LIAS: variants seen among roughly 807,000 people sequenced by gnomAD.
The protein encoded by LIAS is lipoic acid synthetase, also known as lipoyl synthase, mitochondrial.
In LIAS, 36 loss-of-function variants were observed where a neutral mutation model predicts 49.4. That is an observed-to-expected ratio of 0.73 (90% CI 0.56 to 0.96). LIAS has a LOEUF of 0.96. Ranked by LOEUF, LIAS falls within the 40% of genes least tolerant of loss-of-function variation. LIAS has a pLI of 0.00. For synonymous variants in LIAS, 145 were observed against 155.8 expected (o/e 0.93, Z 0.52); for missense variants, 399 against 456.3 (o/e 0.87, Z 1.14).
At chr4:39,459,184 T>C in intron 1 of LIAS, 22 bp downstream of exon 1, 1 of 1,609,278 alleles carries the variant, frequency 6.2e-7, no homozygotes, top group Non-Finnish European at 8.5e-7. Flanking sequence ...GGCGAACGGG[T>C]TTGGGCGTGG....
At chr4:39,464,991 A>T (rs1026243369) in intron 4 of LIAS, 55 bp from the exon 5 acceptor site, 2 of 1,431,854 alleles carry the variant, frequency 1.4e-6, no homozygotes, top group African/African-American at 2.8e-5. Flanking sequence ...TCTCAACATT[A>T]TGTCCTTAAG....
intron 10 of LIAS, chr4:39,474,916 AACT>A (rs1745138904): frequency 6.6e-6 from 1 of 151,968 alleles, no homozygotes; most frequent in Non-Finnish European, 1.5e-5. Flanking sequence ...TTTAAAAATA[AACT>A]AGGTATTGGC....
chr4:39,462,211 A>G lies in LIAS; in HGVS notation c.234A>G (p.Pro78=), dbSNP rs766730917. 24 of 1,551,190 alleles carry G rather than the reference A, an allele frequency of 1.5e-5. No individual in the cohort carries two copies. Among genetic ancestry groups the G allele is most frequent in the East Asian group, 2.5e-5 (1 of 40,246 alleles). The change falls in exon 3 of 11, where the codon CCA becomes CCG. Residue 78 remains proline (P), a synonymous_variant. Coordinates refer to ENST00000640888, the MANE Select transcript of LIAS (RefSeq NM_006859.4). ...CTTTCCTTAGGTTAAGACTACCTCCATGGCTAAAGACAGAGATTCCCATGG... is the reference window on the plus strand; with the variant it reads ...CTTTCCTTAGGTTAAGACTACCTCCGTGGCTAAAGACAGAGATTCCCATGG... The part of the protein sequence containing the change: ...RQKGERLRLP[P]WLKTEIPMGK...
intron 1 of LIAS, among the ~76,000 whole-genome samples, chr4:39,460,269 C>T (rs113437654): frequency 9.8e-4 from 149 of 152,188 alleles, no homozygotes; most frequent in African/African-American, 3.5e-3. Context: ...CGGTGGCTTA[C>T]GCCTGTAATC....
At chr4:39,459,747 A>G (rs577063927) in intron 1 of LIAS, among the ~76,000 whole-genome samples, 1 of 152,326 alleles carries the variant, frequency 6.6e-6, no homozygotes, top group Admixed American at 6.5e-5. Context: ...AATGTAACCT[A>G]GAAAGTAAAA....
At chr4:39,473,849 A>G (rs1271825812) in intron 10 of LIAS, 10 of 152,224 alleles carry the variant, frequency 6.6e-5, no homozygotes, top group Admixed American at 6.5e-4. Context: ...TTTCCAAGGG[A>G]TAAAAAGTCA....
chr4:39,465,828 T>C (rs1744734532), intron 6 of LIAS, among the ~76,000 whole-genome samples: 1 of 152,062 alleles, frequency 6.6e-6, no homozygotes, highest in African/African-American at 2.4e-5. Context: ...TCAGCTAATT[T>C]TTGTACTTTT....
intron 9 of LIAS, among the ~76,000 whole-genome samples, chr4:39,471,886 A>T (rs1392374811): frequency 4.0e-5 from 6 of 150,038 alleles, no homozygotes; most frequent in African/African-American, 1.2e-4. Context: ...CTAGTCTTGA[A>T]CTCCTGACCT....
chr4:39,471,186 A>T (rs1254379187), intron 8 of LIAS, 50 bp from the exon 9 acceptor site: 1 of 1,346,378 alleles, frequency 7.4e-7, no homozygotes, highest in African/African-American at 1.4e-5. Flanking sequence ...TTATGCTTAG[A>T]TCTACAATTA....
At chr4:39,463,841 C>A in intron 4 of LIAS, 2 of 664,942 alleles carry the variant, frequency 3.0e-6, no homozygotes, top group Non-Finnish European at 4.3e-6. Context: ...TCACGTGCTG[C>A]CTTGAGATAC....
intron 2 of LIAS, 56 bp from the exon 3 acceptor site, chr4:39,462,140 G>A (rs1744531044): frequency 1.4e-6 from 1 of 718,108 alleles, no homozygotes; most frequent in Non-Finnish European, 2.2e-6. Flanking sequence ...CTTCAAAGCT[G>A]TGTAATTATT....
intron 6 of LIAS, chr4:39,467,241 T>C: frequency 5.3e-6 from 1 of 187,552 alleles, no homozygotes; most frequent in Non-Finnish European, 1.1e-5. Context: ...TAAAACCTAC[T>C]TAAATTAGGT....
intron 7 of LIAS, chr4:39,468,502 A>ATATATAT (rs1553934636): frequency 4.0e-5 from 5 of 125,186 alleles, no homozygotes; most frequent in South Asian, 2.6e-4. Context: ...GGAAAAAAAA[A>ATATATAT]ATATATATAT....
intron 8 of LIAS, among the ~76,000 whole-genome samples, chr4:39,471,027 A>C (rs954288534): frequency 6.6e-6 from 1 of 152,310 alleles, no homozygotes; most frequent in Non-Finnish European, 1.5e-5. Context: ...TCAGCCCTAC[A>C]TGACTGTCTT....
intron 10 of LIAS, chr4:39,475,655 G>C (rs1745170568): frequency 1.3e-5 from 2 of 152,396 alleles, no homozygotes; most frequent in African/African-American, 4.8e-5. Context: ...CTTGAGCCCA[G>C]GAGTTCAAGA....
At chr4:39,459,959 CAA>C (rs3836576) in intron 1 of LIAS, among the ~76,000 whole-genome samples, 10 of 135,070 alleles carry the variant, frequency 7.4e-5, no homozygotes, top group African/African-American at 2.7e-5. Flanking sequence ...GACTCCATCT[CAA>C]AAAAAAAAAA....
rs1182966348 is a variant in LIAS at position 39,479,066 on chromosome 4, T to G, written c.*1951T>G. ...TCTACCAAAAATACAAAAAATTAGC[T>G]GGGTGTGGTGGCACATGCTTGTAAT... is the stretch of plus-strand genomic sequence containing the variant. On this transcript the variant is annotated 3_prime_UTR_variant, in exon 11 of 11. Transcript: ENST00000640888. 1.3e-5 allele frequency: 2 copies of G among 151,898 alleles called. No homozygotes were observed. Among genetic ancestry groups the G allele is most frequent in the Admixed American group, 1.3e-4 (2 of 15,242 alleles). 9.4% of individuals were successfully genotyped at this position (151,898 alleles called of 1,614,324 possible).
intron 10 of LIAS, among the ~76,000 whole-genome samples, chr4:39,474,607 T>A (rs116119575): frequency 0.079 from 11,904 of 151,336 alleles, 570 homozygotes; most frequent in African/African-American, 0.13. Context: ...TATTATTATT[T>A]TTTTTTTAGA....
rs1170570964 is a variant in LIAS at position 39,478,923 on chromosome 4, C to T, written c.*1808C>T. On this transcript the variant is annotated 3_prime_UTR_variant, in exon 11 of 11. Coordinates refer to ENST00000640888, the MANE Select transcript of LIAS (RefSeq NM_006859.4). Reference sequence around the variant, plus strand: ...CCAGTATTATAAAAGTAATGCACATCCTTGCCAGGTGTGGTGGCTCACGCC... The same window carrying T: ...CCAGTATTATAAAAGTAATGCACATTCTTGCCAGGTGTGGTGGCTCACGCC... 1 of 152,056 alleles carries T rather than the reference C, an allele frequency of 6.6e-6. No homozygotes were observed. The highest frequency in any genetic ancestry group is 1.5e-5 in the Non-Finnish European group (1 of 68,002). 9.4% of individuals were successfully genotyped at this position (152,056 alleles called of 1,614,324 possible).
Sources: allele counts gnomAD v4.1 joint callset (sites outside exome capture counted in the v4.1 genomes callset), GRCh38; gene constraint gnomAD v4.1.1; transcripts MANE v1.5; gene names NCBI Gene and HGNC (gene_info 2026-07-23, HGNC 2026-07-21).